The following NLGN1 variants were observed in gnomAD, a reference collection of about 807,000 sequenced individuals.
The protein encoded by NLGN1 is neuroligin 1.
A neutral mutation model predicts 65.5 loss-of-function variants in NLGN1; 12 were observed. The observed-to-expected ratio is 0.18, with a 90% CI of 0.12 to 0.30. The LOEUF (loss-of-function observed/expected upper bound fraction) is 0.30. Among genes scored for constraint, NLGN1 ranks in the 10% least tolerant of loss-of-function variants. The pLI is 1.00. For synonymous variants in NLGN1, 350 were observed against 359.5 expected (o/e 0.97, Z 0.30); for missense variants, 750 against 1,007.1 (o/e 0.74, Z 3.46).
At chr3:174,203,868 C>G (rs1223780101) in intron 4 of NLGN1, among the ~76,000 whole-genome samples, 1 of 152,058 alleles carries the variant, frequency 6.6e-6, no homozygotes, top group Non-Finnish European at 1.5e-5. Context: ...ATTTCCATAG[C>G]AACACAGACA....
intron 4 of NLGN1, among the ~76,000 whole-genome samples, chr3:173,848,175 T>G (rs1726176055): frequency 6.6e-6 from 1 of 152,232 alleles, no homozygotes; most frequent in Admixed American, 6.5e-5. Context: ...CAGTATCTAA[T>G]GTAGTATGAC....
intron 3 of NLGN1, among the ~76,000 whole-genome samples, chr3:173,648,869 T>G (rs1421240174): frequency 6.6e-6 from 1 of 152,016 alleles, no homozygotes. Context: ...GCCACCACGC[T>G]CAGCCCTACT....
intron 2 of NLGN1, among the ~76,000 whole-genome samples, chr3:173,484,348 T>C (rs1214921688): frequency 6.6e-6 from 1 of 152,146 alleles, no homozygotes; most frequent in East Asian, 1.9e-4. Context: ...ATCTTTTTGA[T>C]CATGGGGAGA....
chr3:173,658,133 C>T (rs1351182452), intron 3 of NLGN1, among the ~76,000 whole-genome samples: 1 of 151,936 alleles, frequency 6.6e-6, no homozygotes, highest in Non-Finnish European at 1.5e-5. Flanking sequence ...TTAGTAGATG[C>T]TGTGGCTATA....
At chr3:173,726,989 C>A (rs1288587919) in intron 3 of NLGN1, among the ~76,000 whole-genome samples, 2 of 151,240 alleles carry the variant, frequency 1.3e-5, no homozygotes, top group Non-Finnish European at 1.5e-5. Flanking sequence ...TCAAGAACTT[C>A]TCTGGTGTTT....
chr3:173,730,331 C>G (rs5014978), intron 3 of NLGN1, among the ~76,000 whole-genome samples: 78,342 of 130,804 alleles, frequency 0.6, 27,107 homozygotes, highest in East Asian at 0.81. Context: ...CTCCCCCCCC[C>G]CCGCAAAAAT....
intron 4 of NLGN1, among the ~76,000 whole-genome samples, chr3:173,860,862 G>A (rs570564481): frequency 5.9e-5 from 9 of 152,256 alleles, no homozygotes; most frequent in Non-Finnish European, 8.8e-5. Context: ...CTGCTCATGT[G>A]ACCTGGGAAA....
chr3:173,519,315 T>A (rs969606334), intron 2 of NLGN1, among the ~76,000 whole-genome samples: 1 of 152,194 alleles, frequency 6.6e-6, no homozygotes, highest in Non-Finnish European at 1.5e-5. Flanking sequence ...AGAGTCCCCA[T>A]TGGGACACTG....
intron 2 of NLGN1, among the ~76,000 whole-genome samples, chr3:173,528,387 C>T (rs1264119015): frequency 1.3e-5 from 2 of 151,944 alleles, no homozygotes; most frequent in Non-Finnish European, 1.5e-5. Context: ...TTTACATTGA[C>T]CTTGCATAGC....
At chr3:173,836,897 AC>A (rs1405331521) in intron 4 of NLGN1, among the ~76,000 whole-genome samples, 2 of 152,204 alleles carry the variant, frequency 1.3e-5, no homozygotes, top group African/African-American at 4.8e-5. Context: ...GATAATGCTC[AC>A]ATGGGTAAAG....
At chr3:174,087,405 A>G (rs1743629676) in intron 4 of NLGN1, among the ~76,000 whole-genome samples, 1 of 152,194 alleles carries the variant, frequency 6.6e-6, no homozygotes. Context: ...TAAAATTACA[A>G]AGCTGCCAAT....
chr3:174,188,523 C>A (rs1156536639), intron 4 of NLGN1, among the ~76,000 whole-genome samples: 2 of 151,810 alleles, frequency 1.3e-5, no homozygotes, highest in Non-Finnish European at 2.9e-5. Flanking sequence ...GTGAAGGAAA[C>A]CCAGAGTTAT....
intron 3 of NLGN1, among the ~76,000 whole-genome samples, chr3:173,642,466 A>G (rs1335772599): frequency 6.6e-6 from 1 of 152,202 alleles, no homozygotes; most frequent in Non-Finnish European, 1.5e-5. Context: ...AGAAGCCATC[A>G]CAGTTCAGGG....
At chr3:173,977,090 G>T (rs879406557) in intron 4 of NLGN1, among the ~76,000 whole-genome samples, 1 of 134,886 alleles carries the variant, frequency 7.4e-6, no homozygotes, top group African/African-American at 2.8e-5. Flanking sequence ...GGAGGAAAAA[G>T]ATACACACAC....
Position 174,278,969 on chromosome 3 carries a change from A to G in NLGN1, c.968A>G (p.Asn323Ser), listed in dbSNP as rs1158418571. Reference sequence around the variant, plus strand: ...ATGTTGGCCACAAAAGTTGGTTGCAATGTTTCAGATACAGTAGAGTTAGTG... The same window carrying G: ...ATGTTGGCCACAAAAGTTGGTTGCAGTGTTTCAGATACAGTAGAGTTAGTG... Residue 323 changes from asparagine (N) to serine (S), a missense_variant, in exon 6 of 7, where the codon AAT becomes AGT. Transcript: ENST00000457714. The G allele has an allele frequency of 1.7e-5, 27 of 1,551,174 alleles. No individual in the cohort carries two copies. The highest frequency in any genetic ancestry group is 2.3e-5 in the Non-Finnish European group (26 of 1,151,644).
chr3:173,879,668 T>C (rs1560547064), intron 4 of NLGN1, among the ~76,000 whole-genome samples: 1 of 152,142 alleles, frequency 6.6e-6, no homozygotes, highest in East Asian at 1.9e-4. Context: ...TGGATTATAT[T>C]CTGGGCATCA....
At chr3:174,192,194 T>C (rs1361635790) in intron 4 of NLGN1, among the ~76,000 whole-genome samples, 2 of 151,988 alleles carry the variant, frequency 1.3e-5, no homozygotes, top group Non-Finnish European at 2.9e-5. Context: ...AAAAAAAACA[T>C]AAAAGGCATG....
chr3:173,836,215 G>T (rs1450360727), intron 4 of NLGN1, among the ~76,000 whole-genome samples: 1 of 152,106 alleles, frequency 6.6e-6, no homozygotes. Flanking sequence ...ATGATGCCTA[G>T]TATATCAAAT....
chr3:173,849,894 A>AC (rs1726558660), intron 4 of NLGN1, among the ~76,000 whole-genome samples: 1 of 152,170 alleles, frequency 6.6e-6, no homozygotes, highest in African/African-American at 2.4e-5. Flanking sequence ...GTTCATTGAT[A>AC]CCACTGTGAG....
Sources: gnomAD v4.1 joint callset for allele counts (sites outside exome capture counted in the v4.1 genomes callset) on GRCh38, gnomAD v4.1.1 for gene constraint, MANE v1.5 for transcripts, NCBI Gene and HGNC (gene_info 2026-07-23, HGNC 2026-07-21) for gene names.